The following WDR27 variants were observed in gnomAD, a reference collection of about 807,000 sequenced individuals.
WDR27 encodes the protein WD repeat domain 27.
In WDR27, 100 loss-of-function variants were observed where a neutral mutation model predicts 114.4. The ratio of observed to expected loss-of-function variants is 0.87; its 90% CI spans 0.74 to 1.03. The LOEUF is 1.03. WDR27 is among the 50% of genes least tolerant of loss of function. The pLI, the probability that WDR27 is intolerant of heterozygous loss-of-function variation, is 0.00. For missense variants in WDR27, 1,129 were observed against 1,092.9 expected (o/e 1.03, Z -0.47); for synonymous variants, 449 against 423.1 (o/e 1.06, Z -0.75).
At chr6:169,660,556 T>A in intron 10 of WDR27, 107 bp downstream of exon 10, 1 of 885,972 alleles carries the variant, frequency 1.1e-6, no homozygotes, top group Admixed American at 1.9e-5. Flanking sequence ...AAGCATCTCA[T>A]CCTCAGATTC....
intron 25 of WDR27, among the ~76,000 whole-genome samples, chr6:169,543,229 A>T (rs1797045122): frequency 6.6e-6 from 1 of 152,148 alleles, no homozygotes; most frequent in African/African-American, 2.4e-5. Flanking sequence ...GCAAAAAATA[A>T]GAAAATGCAA....
intron 13 of WDR27, among the ~76,000 whole-genome samples, chr6:169,657,431 G>A (rs148915026): frequency 0.021 from 3,141 of 152,336 alleles, 60 homozygotes; most frequent in African/African-American, 0.057. Context: ...GGCCCGGGGA[G>A]AGGCCCAAGG....
At chr6:169,690,227 T>C (rs988640769) in intron 1 of WDR27, among the ~76,000 whole-genome samples, 13 of 152,036 alleles carry the variant, frequency 8.6e-5, no homozygotes, top group Non-Finnish European at 1.3e-4. Context: ...ATGCTGGTCA[T>C]GTGGATTCAA....
At chr6:169,638,754 G>A in intron 17 of WDR27, 94 bp from the exon 18 acceptor site, 2 of 1,460,490 alleles carry the variant, frequency 1.4e-6, no homozygotes, top group Non-Finnish European at 9.2e-7. Flanking sequence ...CAACACAACT[G>A]GAACAGCATT....
At chr6:169,440,007 G>A in the WDR27 span, among the ~76,000 whole-genome samples, 6 of 150,322 alleles carry the variant, frequency 4.0e-5, no homozygotes, top group Non-Finnish European at 8.8e-5. Flanking sequence ...CATACATACT[G>A]AAGATAAAAT....
chr6:169,665,449 G>A (rs375952164), intron 7 of WDR27, 37 bp downstream of exon 7: 1 of 1,599,174 alleles, frequency 6.3e-7, no homozygotes, highest in Non-Finnish European at 8.5e-7. Context: ...GTTCAGGCAT[G>A]TCTGGGAACT....
At chr6:169,629,299 T>G (rs1203079984) in intron 21 of WDR27, among the ~76,000 whole-genome samples, 3 of 152,092 alleles carry the variant, frequency 2.0e-5, no homozygotes, top group Non-Finnish European at 4.4e-5. Flanking sequence ...CTGAAACAAT[T>G]TTTAAAAATT....
intron 25 of WDR27, among the ~76,000 whole-genome samples, chr6:169,491,218 T>C (rs977089457): frequency 6.6e-6 from 1 of 152,132 alleles, no homozygotes; most frequent in Non-Finnish European, 1.5e-5. Flanking sequence ...AAAGAAAATA[T>C]GGCTATTTCC....
At chr6:169,451,280 C>T in the WDR27 span, among the ~76,000 whole-genome samples, 2 of 152,120 alleles carry the variant, frequency 1.3e-5, no homozygotes, top group African/African-American at 4.8e-5. Context: ...ACCTGGAAGC[C>T]CCCTGCGCGC....
chr6:169,557,003 C>T (rs1002228150), intron 25 of WDR27, among the ~76,000 whole-genome samples: 1 of 152,192 alleles, frequency 6.6e-6, no homozygotes, highest in Admixed American at 6.5e-5. Context: ...GAGGCAGTTA[C>T]GTTGCGGTTA....
intron 1 of WDR27, among the ~76,000 whole-genome samples, chr6:169,693,605 G>T (rs1032145141): frequency 8.6e-5 from 13 of 151,708 alleles, no homozygotes; most frequent in Non-Finnish European, 1.8e-4. Context: ...TAACACATAA[G>T]AACTCACATA....
At position 169,632,977 on chromosome 6, in the gene WDR27, T is replaced by G. The variant is rs1355641845; in HGVS notation, c.2193A>C (p.Ser731=). ...CSAAVIAEAH[S]RPVHQICQNK... The stretch of plus-strand genomic sequence containing the variant: ...TTTGGCAGATTTGATGGACAGGCCG[T>G]GAGTGGGCTTCCGCTATCACCGCTG... Residue 731 remains serine (S), a synonymous_variant, in exon 21 of 26, where the codon TCA becomes TCC. Transcript: ENST00000448612. 1.3e-6 allele frequency: 2 copies of G among 1,594,612 alleles called. No homozygotes were observed. The highest frequency in any genetic ancestry group is 4.5e-5 in the East Asian group (2 of 44,234).
At chr6:169,543,667 T>C (rs1052375657) in intron 25 of WDR27, among the ~76,000 whole-genome samples, 2 of 152,148 alleles carry the variant, frequency 1.3e-5, no homozygotes, top group Non-Finnish European at 2.9e-5. Flanking sequence ...GTTGAAGATA[T>C]GAGGTTGGGA....
At chr6:169,564,008 C>T (rs73790015) in intron 25 of WDR27, among the ~76,000 whole-genome samples, 2,468 of 152,288 alleles carry the variant, frequency 0.016, 63 homozygotes, top group African/African-American at 0.057. Flanking sequence ...CATCACCAGG[C>T]GAAGTCCCAC....
chr6:169,617,662 C>A (rs1488529864), intron 21 of WDR27, among the ~76,000 whole-genome samples: 2 of 152,184 alleles, frequency 1.3e-5, no homozygotes, highest in Non-Finnish European at 2.9e-5. Flanking sequence ...AGGCCTGAGC[C>A]ACTGTGCCCA....
the WDR27 span, among the ~76,000 whole-genome samples, chr6:169,432,751 G>T: frequency 0.02 from 3,057 of 152,228 alleles, 63 homozygotes; most frequent in East Asian, 0.07. Flanking sequence ...CAGTAAACTG[G>T]TACCAGGTAG....
At chr6:169,541,742 C>T (rs1303223153) in intron 25 of WDR27, among the ~76,000 whole-genome samples, 2 of 152,118 alleles carry the variant, frequency 1.3e-5, no homozygotes, top group East Asian at 3.8e-4. Context: ...GAAAAAAGTA[C>T]TTAATGAATT....
chr6:169,575,480 G>A (rs1012363890), intron 24 of WDR27, among the ~76,000 whole-genome samples: 1 of 151,926 alleles, frequency 6.6e-6, no homozygotes, highest in African/African-American at 2.4e-5. Flanking sequence ...TGTAACATGT[G>A]TTTTATCCTC....
At position 169,670,533 on chromosome 6, in the gene WDR27, AC is replaced by A. The variant is rs770614490; in HGVS notation, c.456+35del. ...GAACCTGGGAGGCCCCATCAGCTAA[AC>A]CCTTCCGTGAAATCCACGTGAATTT... On this transcript the variant is annotated intron_variant, in intron 4 of 25. Coordinates refer to ENST00000448612, the MANE Select transcript of WDR27 (RefSeq NM_182552.5). The A allele has an allele frequency of 2.4e-5, 38 of 1,613,576 alleles. No homozygotes were observed. In the African/African-American group the frequency reaches 4.0e-4, roughly 17 times the overall value.
Sources: allele counts gnomAD v4.1 joint callset (sites outside exome capture counted in the v4.1 genomes callset), GRCh38; gene constraint gnomAD v4.1.1; transcripts MANE v1.5; gene names NCBI Gene and HGNC (gene_info 2026-07-23, HGNC 2026-07-21).